Variants in RPL22 observed in about 807,000 individuals in gnomAD.
The protein encoded by RPL22 is ribosomal protein L22.
Under a neutral mutation model 16.2 loss-of-function variants are expected in RPL22, and 4 were observed. The observed-to-expected ratio is 0.25, with a 90% CI of 0.12 to 0.57. The LOEUF is 0.57. Among genes scored for constraint, RPL22 ranks in the 20% least tolerant of loss-of-function variants. The pLI is 0.92. For synonymous variants in RPL22, 43 were observed against 54.8 expected (o/e 0.78, Z 0.95); for missense variants, 83 against 156.1 (o/e 0.53, Z 2.49).
chr1:6,190,168 C>G (rs547662515), intron 3 of RPL22, among the ~76,000 whole-genome samples: 2 of 152,318 alleles, frequency 1.3e-5, no homozygotes, highest in Admixed American at 6.5e-5. Flanking sequence ...AGAATCTTCC[C>G]CAAGGGCTCT....
At chr1:6,195,956 G>A (rs765857833) in intron 2 of RPL22, among the ~76,000 whole-genome samples, 29 of 151,768 alleles carry the variant, frequency 1.9e-4, no homozygotes, top group African/African-American at 6.1e-4. Context: ...CCAGCTACTC[G>A]GGAGGCTGAG....
rs6664444 is a variant in RPL22, at chr1:6,195,860, C to T, written c.117+1792G>A. 3.3e-3 allele frequency among the ~76,000 whole-genome samples: 507 copies of T among 151,968 alleles called. 3 individuals carry two copies. The highest frequency in any genetic ancestry group is 0.012 in the African/African-American group (492 of 41,450). On this transcript the variant is annotated intron_variant, in intron 2 of 3. Coordinates refer to ENST00000234875, the MANE Select transcript of RPL22 (RefSeq NM_000983.4). ...GGTGGATCACCTAAAGTCAGGGGTT[C>T]GAGACCAGCCTGACCAACATGGAGG... is the stretch of plus-strand genomic sequence containing the variant.
intron 1 of RPL22, 53 bp from the exon 2 acceptor site, chr1:6,197,809 A>G: frequency 8.0e-7 from 1 of 1,247,090 alleles, no homozygotes; most frequent in South Asian, 1.2e-5. Context: ...AGTCGGAAAA[A>G]CAAGATTAAC....
chr1:6,193,086 G>C, intron 2 of RPL22, 32 bp from the exon 3 acceptor site: 1 of 1,610,882 alleles, frequency 6.2e-7, no homozygotes, highest in African/African-American at 1.3e-5. Flanking sequence ...CCAATGAAGT[G>C]ACAAGTTCAT....
chr1:6,192,537 A>G (rs1247091819), intron 3 of RPL22, among the ~76,000 whole-genome samples: 1 of 152,118 alleles, frequency 6.6e-6, no homozygotes, highest in Non-Finnish European at 1.5e-5. Flanking sequence ...CGTTTCTACT[A>G]AAAATACAAA....
Position 6,198,542 on chromosome 1 carries a change from G to C in RPL22, c.13-786C>G, listed in dbSNP as rs574460301. On this transcript the variant is annotated intron_variant, in intron 1 of 3. Transcript: ENST00000234875. ...ATGCACTTGTGCATCGTACCAACCT[G>C]TACTTTCACGTTTAAAAGCTCTGCA... 9 of 152,296 alleles carry C rather than the reference G, an allele frequency of 5.9e-5. No individual in the cohort carries two copies. In the East Asian group the frequency reaches 1.7e-3, roughly 29 times the overall value. 9.4% of individuals were successfully genotyped at this position (152,296 alleles called of 1,614,324 possible). A position where few individuals can be genotyped will look rare whatever the true frequency, so the allele number is the denominator to read the frequency against.
At chr1:6,195,111 T>G (rs1302593646) in intron 2 of RPL22, among the ~76,000 whole-genome samples, 2 of 151,182 alleles carry the variant, frequency 1.3e-5, no homozygotes, top group African/African-American at 2.4e-5. Flanking sequence ...CATTCCAGCC[T>G]GGGCAACAGA....
intron 3 of RPL22, among the ~76,000 whole-genome samples, chr1:6,190,081 C>G (rs548433879): frequency 4.4e-4 from 67 of 152,248 alleles, no homozygotes; most frequent in African/African-American, 1.5e-3. Flanking sequence ...GGATAAAGAA[C>G]AGAAAGTTTG....
chr1:6,186,471 TACC>T lies in RPL22; in HGVS notation c.*198_*200del. 2.2e-6 allele frequency: 1 copy of T among 454,564 alleles called. No homozygotes were observed. The allele number at this position is 454,564 out of a possible 1,614,324, so 28.2% of individuals were successfully genotyped here. On this transcript the variant is annotated 3_prime_UTR_variant, in exon 4 of 4. Coordinates refer to ENST00000234875, the MANE Select transcript of RPL22 (RefSeq NM_000983.4). ...TCACCCTCTCCTTCTACTCTGGTAT[TACC>T]ACGAGAATTGAAATTTTTAAGCAGA...
chr1:6,192,050 ATT>A (rs780090180), intron 3 of RPL22, among the ~76,000 whole-genome samples: 1 of 146,324 alleles, frequency 6.8e-6, no homozygotes. Context: ...ACAGGAGGCA[ATT>A]TTTTTTTTTT....
chr1:6,192,891 TG>T (rs779512704), intron 3 of RPL22, 38 bp downstream of exon 3: 1 of 1,597,042 alleles, frequency 6.3e-7, no homozygotes, highest in South Asian at 1.1e-5. Context: ...GGCTGGGCAC[TG>T]GGTGCACGCA....
At chr1:6,197,883 C>A in intron 1 of RPL22, 127 bp from the exon 2 acceptor site, 1 of 744,952 alleles carries the variant, frequency 1.3e-6, no homozygotes, top group South Asian at 1.7e-5. Context: ...AGTGTGCTCC[C>A]TTTGCCAGAG....
At chr1:6,189,635 A>ACAGGC (rs1393250822) in intron 3 of RPL22, among the ~76,000 whole-genome samples, 1 of 147,138 alleles carries the variant, frequency 6.8e-6, no homozygotes, top group African/African-American at 2.6e-5. Flanking sequence ...AAAACCCTGT[A>ACAGGC]CAGGCCAGGC....
Position 6,185,244 on chromosome 1 carries a change from A to G in RPL22, c.*1428T>C. ...CTTACTACATGGGAACATCAATGCAACAAGTAGAATTTGTAAACTCAAGCC... is the reference window on the plus strand; with the variant it reads ...CTTACTACATGGGAACATCAATGCAGCAAGTAGAATTTGTAAACTCAAGCC... On this transcript the variant is annotated 3_prime_UTR_variant, in exon 4 of 4. Transcript: ENST00000234875. The G allele has an allele frequency of 2.5e-6, 1 of 398,828 alleles. No individual in the cohort carries two copies. The highest frequency in any genetic ancestry group is 4.4e-6 in the Non-Finnish European group (1 of 226,024). The allele number at this position is 398,828 out of a possible 1,614,324, so 24.7% of individuals were successfully genotyped here. A position where few individuals can be genotyped will look rare whatever the true frequency, so the allele number is the denominator to read the frequency against.
chr1:6,196,984 A>C (rs1002847617), intron 2 of RPL22, among the ~76,000 whole-genome samples: 7 of 152,188 alleles, frequency 4.6e-5, no homozygotes, highest in Non-Finnish European at 8.8e-5. Context: ...CCAAACAGCA[A>C]GGGGGATGCC....
chr1:6,193,031 G>T lies in RPL22; in HGVS notation c.141C>A (p.Ile47=), dbSNP rs374367647. 59 of 1,614,022 alleles carry T rather than the reference G, an allele frequency of 3.7e-5. No individual in the cohort carries two copies. Among genetic ancestry groups the T allele is most frequent in the Non-Finnish European group, 5.0e-5 (59 of 1,180,016 alleles). Residue 47 remains isoleucine (I), a synonymous_variant, in exon 3 of 4, where the codon ATC becomes ATA. Coordinates refer to ENST00000234875, the MANE Select transcript of RPL22 (RefSeq NM_000983.4). The part of the protein sequence containing the change: ...ANFEQFLQER[I]KVNGKAGNLG... ...GGTTCCCAGCTTTTCCGTTCACTTT[G>T]ATCCTTTCTTGCAAAAACTGCTCCT... is the stretch of plus-strand genomic sequence containing the variant.
At chr1:6,187,176 T>C (rs1197752386) in intron 3 of RPL22, among the ~76,000 whole-genome samples, 2 of 151,778 alleles carry the variant, frequency 1.3e-5, no homozygotes, top group African/African-American at 4.8e-5. Context: ...GGCGTGGTGG[T>C]GCACGCCTGT....
intron 1 of RPL22, chr1:6,198,041 A>G: frequency 2.4e-6 from 1 of 409,594 alleles, no homozygotes; most frequent in South Asian, 4.5e-5. Flanking sequence ...CCCAATCTCT[A>G]CAGGCATGAA....
At chr1:6,193,162 T>C (rs1484621885) in intron 2 of RPL22, 108 bp from the exon 3 acceptor site, 2 of 1,376,544 alleles carry the variant, frequency 1.5e-6, no homozygotes, top group Admixed American at 3.6e-5. Context: ...GTTTTGGTTT[T>C]GGAGACAGAG....
Sources: allele counts gnomAD v4.1 joint callset (sites outside exome capture counted in the v4.1 genomes callset), GRCh38; gene constraint gnomAD v4.1.1; transcripts MANE v1.5; gene names NCBI Gene and HGNC (gene_info 2026-07-23, HGNC 2026-07-21).